The following TPM1 variants were observed in gnomAD, a reference collection of about 807,000 sequenced individuals.
TPM1 encodes tropomyosin alpha-1 chain.
In TPM1, 24 loss-of-function variants were observed where a neutral mutation model predicts 42.9. The ratio of observed to expected loss-of-function variants is 0.56; its 90% CI spans 0.41 to 0.79. The LOEUF (loss-of-function observed/expected upper bound fraction) is 0.79. Ranked by LOEUF, TPM1 falls within the 30% of genes least tolerant of loss-of-function variation. TPM1 has a pLI of 0.00. For missense variants in TPM1, 158 were observed against 351.8 expected (o/e 0.45, Z 4.41); for synonymous variants, 136 against 130.1 (o/e 1.05, Z -0.31).
intron 1 of TPM1, chr15:63,043,681 C>A (rs1243924357): frequency 6.5e-7 from 1 of 1,540,502 alleles, no homozygotes; most frequent in Middle Eastern, 2.2e-4. Context: ...GCCGGCCGCC[C>A]GCGCCCGCCC....
chr15:63,051,369 C>T (rs551591032), intron 2 of TPM1, among the ~76,000 whole-genome samples: 15 of 152,260 alleles, frequency 9.9e-5, no homozygotes, highest in African/African-American at 3.6e-4. Flanking sequence ...GGAATGTATA[C>T]TCTCGATTTC....
downstream of TPM1, chr15:63,066,276 T>C (rs183015059): frequency 1.4e-4 from 128 of 931,450 alleles, no homozygotes; most frequent in Non-Finnish European, 1.7e-4. Context: ...CTTGTTGAAC[T>C]TCAAAAAAAT....
chr15:63,047,235 T>C (rs1343221107), intron 2 of TPM1: 1 of 152,254 alleles, frequency 6.6e-6, no homozygotes, highest in Admixed American at 6.5e-5. Flanking sequence ...CAGCAGAGGC[T>C]GTGAGGAACT....
intron 2 of TPM1, chr15:63,048,833 T>C: frequency 7.7e-7 from 1 of 1,302,590 alleles, no homozygotes. Context: ...AGGGCGCACC[T>C]GGCGCACCTG....
intron 2 of TPM1, 188 bp downstream of exon 2, chr15:63,044,340 C>A: frequency 2.4e-6 from 2 of 821,500 alleles, no homozygotes; most frequent in Non-Finnish European, 2.0e-6. Flanking sequence ...TATATTTCAT[C>A]CACTCCTCTC....
At chr15:63,069,903 G>T (rs144451403), downstream of TPM1, 3 of 1,614,094 alleles carry the variant, frequency 1.9e-6, no homozygotes, top group Middle Eastern at 1.6e-4. Context: ...CAAAATCGCC[G>T]CCTCACTAAT....
In TPM1 at chr15:63,048,163, G is replaced by T. The variant is rs765332129; in HGVS notation, c.240+4011G>T. The T allele has an allele frequency of 7.8e-5, 35 of 446,874 alleles. 1 individual carries two copies. Among genetic ancestry groups the T allele is most frequent in the South Asian group, 5.2e-4 (33 of 64,076 alleles). 27.7% of individuals were successfully genotyped at this position (446,874 alleles called of 1,614,324 possible). On this transcript the variant is annotated intron_variant, in intron 2 of 9. Transcript: ENST00000403994. ...GCAGGAGTCGCTATTGCCCTTAGCA[G>T]CCAGCTCCGTTACCCCGGGTCACCA...
intron 8 of TPM1, chr15:63,063,510 A>G (rs16946410): frequency 0.011 from 3,374 of 299,614 alleles, 141 homozygotes; most frequent in African/African-American, 0.072. Context: ...CCACAGGAGT[A>G]GCTTAAATGG....
intron 4 of TPM1, 49 bp from the exon 5 acceptor site, chr15:63,060,815 GTTACA>G (rs1309702812): frequency 1.1e-5 from 18 of 1,604,336 alleles, no homozygotes; most frequent in Non-Finnish European, 3.4e-6. Context: ...ATGCCCTTCT[GTTACA>G]CAAAGCTTGC....
chr15:63,062,787 C>G lies in TPM1; in HGVS notation c.772+142C>G, dbSNP rs555024045. On this transcript the variant is annotated intron_variant, in intron 8 of 9. Coordinates refer to ENST00000403994, the MANE Select transcript of TPM1 (RefSeq NM_001018005.2). ...TTCCTGTGTGTCCTCTGGGGTTTTT[C>G]TCTGTGGCTCTTGAACTCATGAACC... 5.2e-6 allele frequency: 8 copies of G among 1,549,730 alleles called. No individual in the cohort carries two copies. In the South Asian group the frequency reaches 8.2e-5, roughly 16 times the overall value.
chr15:63,059,709 G>A, intron 4 of TPM1, 29 bp downstream of exon 4: 2 of 1,534,366 alleles, frequency 1.3e-6, no homozygotes, highest in Non-Finnish European at 1.8e-6. Context: ...AAGCCTTGTG[G>A]ACACCCAGCA....
In TPM1 at chr15:63,042,779, G is replaced by A; in HGVS notation, c.-51G>A. On this transcript the variant is annotated 5_prime_UTR_variant, in exon 1 of 10. Transcript: ENST00000403994. ...CTCCCGCTCCTCCGCCCGACCGCGC[G>A]CTCGCCCCGCCGCTCCTGCTGCAGC... The A allele has an allele frequency of 6.6e-7, 1 of 1,523,074 alleles. No individual in the cohort carries two copies. The highest frequency in any genetic ancestry group is 9.0e-7 in the Non-Finnish European group (1 of 1,105,470). The allele number at this position is 1,523,074 out of a possible 1,614,324, so 94.3% of individuals were successfully genotyped here.
At chr15:63,056,493 C>T (rs945938623) in intron 2 of TPM1, 3 of 213,108 alleles carry the variant, frequency 1.4e-5, no homozygotes, top group Non-Finnish European at 9.5e-6. Flanking sequence ...GGTGAAACCC[C>T]GTCTCTACTA....
chr15:63,043,328 TTGAC>T (rs2031592711), intron 1 of TPM1: 1 of 542,958 alleles, frequency 1.8e-6, no homozygotes, highest in Non-Finnish European at 3.5e-6. Context: ...TCGTTGACTT[TTGAC>T]TGGGGAGAAA....
In TPM1 at chr15:63,063,247, G is replaced by C. The variant is rs1228639833; in HGVS notation, c.772+602G>C. The C allele has an allele frequency of 4.1e-6, 4 of 985,196 alleles. No homozygotes were observed. In the African/African-American group the frequency reaches 7.0e-5, roughly 17 times the overall value. 61.0% of individuals were successfully genotyped at this position (985,196 alleles called of 1,614,324 possible). On this transcript the variant is annotated intron_variant, in intron 8 of 9. Transcript: ENST00000403994. ...TTGAAGCTTGTGAAGGATTAGCTGT[G>C]AACAAGAAAGAAAAAAGACAAATAT...
At chr15:63,065,322 T>A (rs2036158487) in intron 9 of TPM1, 1 of 991,006 alleles carries the variant, frequency 1.0e-6, no homozygotes, top group Admixed American at 5.8e-5. Context: ...CACCCTGAAT[T>A]CCATTGAAGC....
At chr15:63,063,905 G>T in intron 8 of TPM1, 159 bp from the exon 9 acceptor site, 1 of 915,230 alleles carries the variant, frequency 1.1e-6, no homozygotes, top group South Asian at 2.0e-5. Context: ...CAAAACGCAC[G>T]CCTCCTGCAT....
At chr15:63,051,910 T>C (rs1003716050) in intron 2 of TPM1, among the ~76,000 whole-genome samples, 3 of 116,054 alleles carry the variant, frequency 2.6e-5, no homozygotes, top group Admixed American at 8.9e-5. Flanking sequence ...TTTTTTTTTT[T>C]CAAATCTGAT....
chr15:63,058,052 T>C (rs1337983644), intron 3 of TPM1, among the ~76,000 whole-genome samples: 1 of 152,202 alleles, frequency 6.6e-6, no homozygotes, highest in East Asian at 1.9e-4. Context: ...TTTCAGACTT[T>C]AGGATTAAAG....
Sources: gnomAD v4.1 joint callset for allele counts (sites outside exome capture counted in the v4.1 genomes callset) on GRCh38, gnomAD v4.1.1 for gene constraint, MANE v1.5 for transcripts, NCBI Gene and HGNC (gene_info 2026-07-23, HGNC 2026-07-21) for gene names.